RTTN: variants seen among roughly 807,000 people sequenced by gnomAD.
The protein encoded by RTTN is rotatin.
Under a neutral mutation model 269.2 loss-of-function variants are expected in RTTN, and 182 were observed. The observed-to-expected ratio is 0.68, with a 90% confidence interval of 0.60 to 0.76. The LOEUF (loss-of-function observed/expected upper bound fraction) is 0.76, where lower values mean the gene tolerates loss of function less well. RTTN is among the 30% of genes least tolerant of loss of function. RTTN has a pLI of 0.00. For synonymous variants in RTTN, 1,006 were observed against 963.5 expected (o/e 1.04, Z -0.82); for missense variants, 2,545 against 2,608.6 (o/e 0.98, Z 0.53).
At chr18:70,144,334 C>G (rs2060334205) in intron 18 of RTTN, among the ~76,000 whole-genome samples, 1 of 152,158 alleles carries the variant, frequency 6.6e-6, no homozygotes, top group African/African-American at 2.4e-5. Context: ...AAGCCACCAG[C>G]TGGTATTCCC....
intron 29 of RTTN, 83 bp downstream of exon 29, chr18:70,092,593 G>T: frequency 2.0e-6 from 3 of 1,485,704 alleles, no homozygotes; most frequent in Non-Finnish European, 2.7e-6. Flanking sequence ...CATGTGGCAA[G>T]TTTATATGCT....
rs2059898211 is a variant in RTTN, at chr18:70,127,607, G to A, written c.3278C>T (p.Thr1093Ile). The A allele has an allele frequency of 6.2e-7, 1 of 1,613,338 alleles. No homozygotes were observed. The change falls in exon 25 of 49, where the codon ACC (threonine) becomes ATC (isoleucine). Residue 1093 changes from threonine (T) to isoleucine (I), a missense_variant. Transcript: ENST00000640769. ...ATHREVRAAV[T>I]RMSFYLLNDR... ...ATTCAGAAGATAAAAACTCATCCTG[G>A]TGACAGCAGCCCTAACTTCCCTGTG...
At chr18:70,075,607 A>G in intron 32 of RTTN, 66 bp from the exon 33 acceptor site, 1 of 1,310,106 alleles carries the variant, frequency 7.6e-7, no homozygotes, top group Non-Finnish European at 1.0e-6. Flanking sequence ...AAAAAGATCC[A>G]TTGTCTCCTC....
At chr18:70,087,020 T>C (rs1194514872) in intron 31 of RTTN, among the ~76,000 whole-genome samples, 2 of 152,024 alleles carry the variant, frequency 1.3e-5, no homozygotes, top group African/African-American at 4.8e-5. Context: ...TTAAGAAATA[T>C]AATTTTAGGT....
Position 70,139,731 on chromosome 18 carries a change from A to C in RTTN, c.2671-15T>G, listed in dbSNP as rs1162953952. 3 of 1,465,286 alleles carry C rather than the reference A, an allele frequency of 2.0e-6. No homozygotes were observed. Among genetic ancestry groups the C allele is most frequent in the East Asian group, 4.5e-5 (2 of 44,144 alleles). The allele number at this position is 1,465,286 out of a possible 1,614,324, so 90.8% of individuals were successfully genotyped here. ...CATTCTACAACCTGGGCCAGGAGGA[A>C]AAACACAGCTTTTCATTTTCACCAA... On this transcript the variant is annotated splice_polypyrimidine_tract_variant and intron_variant, in intron 20 of 48. Transcript: ENST00000640769.
intron 34 of RTTN, among the ~76,000 whole-genome samples, chr18:70,068,545 G>A (rs1389879393): frequency 6.6e-6 from 1 of 152,166 alleles, no homozygotes; most frequent in Non-Finnish European, 1.5e-5. Context: ...TGTCCCCGCG[G>A]AACTTCAGCT....
At chr18:70,058,979 A>T (rs1349016930) in intron 36 of RTTN, among the ~76,000 whole-genome samples, 2 of 152,224 alleles carry the variant, frequency 1.3e-5, no homozygotes, top group Non-Finnish European at 2.9e-5. Flanking sequence ...TTTGGCAAGA[A>T]GATGCAAGAC....
intron 1 of RTTN, 114 bp downstream of exon 1, chr18:70,205,514 G>A (rs2062056160): frequency 6.3e-6 from 9 of 1,436,460 alleles, no homozygotes; most frequent in Non-Finnish European, 8.8e-6. Context: ...ACAAAGCGGG[G>A]GTGAAAGAGG....
At chr18:70,123,884 T>C (rs534896598) in intron 25 of RTTN, among the ~76,000 whole-genome samples, 5 of 152,200 alleles carry the variant, frequency 3.3e-5, no homozygotes, top group South Asian at 2.1e-4. Flanking sequence ...TAAATGTTTG[T>C]TGAATGATGG....
rs770159706 is a variant in RTTN at position 70,092,761 on chromosome 18, G to A, written c.3947C>T (p.Ser1316Phe). The change falls in exon 29 of 49, where the codon TCC becomes TTC. Residue 1316 changes from serine to phenylalanine, a missense_variant. Coordinates refer to ENST00000640769, the MANE Select transcript of RTTN (RefSeq NM_173630.4). ...FYVERGGNAM[S>F]FMGKGVTKST... is the part of the protein sequence containing the mutation. ...CTTTGTAACACCTTTTCCCATGAAG[G>A]ACATAGCATTTCCTCCACGCTCCAC... is the stretch of plus-strand genomic sequence containing the variant. 9 of 1,612,236 alleles carry A rather than the reference G, an allele frequency of 5.6e-6. No homozygotes were observed. The highest frequency in any genetic ancestry group is 4.2e-6 in the Non-Finnish European group (5 of 1,178,742).
At position 70,199,436 on chromosome 18, in the gene RTTN, G is replaced by C. The variant is rs2061894882; in HGVS notation, c.556C>G (p.His186Asp). The C allele has an allele frequency of 6.2e-7, 1 of 1,611,722 alleles. No homozygotes were observed. Among genetic ancestry groups the C allele is most frequent in the Non-Finnish European group, 8.5e-7 (1 of 1,178,138 alleles). ...PWLPLTTTDR[H>D]VLSSNESSLR... The stretch of plus-strand genomic sequence containing the variant: ...TACCTTTCATTAGAGGAGAGGACAT[G>C]TCTGTCTGTGGTGGTCAGGGGTAGC... The change falls in exon 5 of 49, where the codon CAT becomes GAT. Residue 186 changes from histidine (H) to aspartate (D), a missense_variant. Transcript: ENST00000640769.
At chr18:70,121,787 T>A in intron 25 of RTTN, 87 bp from the exon 26 acceptor site, 1 of 1,264,344 alleles carries the variant, frequency 7.9e-7, no homozygotes, top group Non-Finnish European at 1.1e-6. Context: ...ACTTAACAGA[T>A]GTCTTGTGAG....
intron 11 of RTTN, among the ~76,000 whole-genome samples, chr18:70,169,758 TG>T (rs1237923480): frequency 6.6e-5 from 10 of 152,126 alleles, no homozygotes; most frequent in African/African-American, 2.4e-5. Context: ...TTTAAAAAAA[TG>T]GTTCTAGTTT....
intron 26 of RTTN, among the ~76,000 whole-genome samples, chr18:70,118,519 GAATT>G (rs1027708467): frequency 6.6e-6 from 1 of 152,008 alleles, no homozygotes; most frequent in Non-Finnish European, 1.5e-5. Context: ...AACATTTAAA[GAATT>G]AATACTAATC....
At chr18:70,111,514 C>G (rs1275643520) in intron 27 of RTTN, among the ~76,000 whole-genome samples, 1 of 151,970 alleles carries the variant, frequency 6.6e-6, no homozygotes. Flanking sequence ...AGCACGTCCA[C>G]TCAAAGATCC....
chr18:70,173,491 C>CAAAAA (rs397974179), intron 11 of RTTN, among the ~76,000 whole-genome samples: 126 of 47,732 alleles, frequency 2.6e-3, no homozygotes, highest in East Asian at 3.8e-3. Context: ...GACTCCAACT[C>CAAAAA]AAAAAAAAAA....
intron 27 of RTTN, among the ~76,000 whole-genome samples, chr18:70,113,104 G>T (rs996410815): frequency 6.6e-6 from 1 of 152,108 alleles, no homozygotes; most frequent in South Asian, 2.1e-4. Context: ...AAATAAAGAT[G>T]TTCTTTGAAA....
chr18:70,094,590 G>A (rs1391611954), intron 28 of RTTN, among the ~76,000 whole-genome samples: 5 of 152,062 alleles, frequency 3.3e-5, no homozygotes, highest in East Asian at 3.9e-4. Context: ...GTAGTTGTGC[G>A]GTTTGTAGTT....
rs2057537668 is a variant in RTTN at position 70,047,924 on chromosome 18, T to C, written c.5541+47A>G. The stretch of plus-strand genomic sequence containing the variant: ...ACAAGACCATGACTGAAAGTCAATT[T>C]ATTTAAACGCTAAATAAAGTTTTTG... On this transcript the variant is annotated intron_variant, in intron 40 of 48. Transcript: ENST00000640769. 3 of 1,465,478 alleles carry C rather than the reference T, an allele frequency of 2.0e-6. No individual in the cohort carries two copies. In the South Asian group the frequency reaches 3.5e-5, roughly 17 times the overall value. 90.8% of individuals were successfully genotyped at this position (1,465,478 alleles called of 1,614,324 possible). A position where few individuals can be genotyped will look rare whatever the true frequency, so the allele number is the denominator to read the frequency against.
Sources: allele counts gnomAD v4.1 joint callset (sites outside exome capture counted in the v4.1 genomes callset), GRCh38; gene constraint gnomAD v4.1.1; transcripts MANE v1.5; gene names NCBI Gene and HGNC (gene_info 2026-07-23, HGNC 2026-07-21).